The following MACROD2 variants were observed in gnomAD, a reference collection of about 807,000 sequenced individuals.
MACROD2 encodes the protein mono-ADP ribosylhydrolase 2, also known as ADP-ribose glycohydrolase MACROD2.
Under a neutral mutation model 70.4 loss-of-function variants are expected in MACROD2, and 36 were observed. The ratio of observed to expected loss-of-function variants is 0.51; its 90% CI spans 0.39 to 0.68. The LOEUF is 0.68. Among genes scored for constraint, MACROD2 ranks in the 30% least tolerant of loss-of-function variants. The pLI is 0.00. For synonymous variants in MACROD2, 172 were observed against 178.8 expected (o/e 0.96, Z 0.30); for missense variants, 496 against 538.4 (o/e 0.92, Z 0.78).
chr20:15,477,727 GTTTCCT>G (rs893549223), intron 7 of MACROD2, among the ~76,000 whole-genome samples: 3 of 152,182 alleles, frequency 2.0e-5, no homozygotes, highest in African/African-American at 7.2e-5. Flanking sequence ...CTATGAATAT[GTTTCCT>G]TGCATGGCAA....
intron 6 of MACROD2, among the ~76,000 whole-genome samples, chr20:15,238,106 T>C (rs1346670683): frequency 6.6e-6 from 1 of 152,196 alleles, no homozygotes; most frequent in Admixed American, 6.5e-5. Flanking sequence ...CTGAGCCTGA[T>C]AGAATTGAGA....
chr20:14,060,946 A>C (rs1211638202), intron 2 of MACROD2, among the ~76,000 whole-genome samples: 1 of 152,150 alleles, frequency 6.6e-6, no homozygotes, highest in Non-Finnish European at 1.5e-5. Flanking sequence ...CTCGTGTCTT[A>C]ATAATATAGC....
At chr20:15,640,174 G>A (rs935435895) in intron 8 of MACROD2, among the ~76,000 whole-genome samples, 3 of 151,736 alleles carry the variant, frequency 2.0e-5, no homozygotes, top group Admixed American at 2.0e-4. Flanking sequence ...GGAAGGGAGA[G>A]AGAAAAACAG....
At chr20:15,487,568 C>T (rs2047178143) in intron 7 of MACROD2, among the ~76,000 whole-genome samples, 1 of 152,122 alleles carries the variant, frequency 6.6e-6, no homozygotes, top group African/African-American at 2.4e-5. Context: ...CTATCTAAAC[C>T]ATAGAATAGA....
At chr20:15,265,173 C>G (rs1390958545) in intron 6 of MACROD2, among the ~76,000 whole-genome samples, 1 of 152,028 alleles carries the variant, frequency 6.6e-6, no homozygotes, top group Non-Finnish European at 1.5e-5. Flanking sequence ...ATTTGATCAC[C>G]CTGCAAGCTC....
At chr20:16,007,716 G>A (rs985842307) in intron 15 of MACROD2, among the ~76,000 whole-genome samples, 5 of 152,130 alleles carry the variant, frequency 3.3e-5, no homozygotes, top group East Asian at 3.9e-4. Context: ...CACACATTCA[G>A]TAGGTGGAGC....
At chr20:15,681,935 C>T (rs1406046569) in intron 8 of MACROD2, among the ~76,000 whole-genome samples, 1 of 152,102 alleles carries the variant, frequency 6.6e-6, no homozygotes, top group East Asian at 1.9e-4. Flanking sequence ...TTTTGTGATT[C>T]CCAAGGTGAT....
At chr20:15,773,678 GT>G (rs1311355601) in intron 8 of MACROD2, among the ~76,000 whole-genome samples, 1 of 152,072 alleles carries the variant, frequency 6.6e-6, no homozygotes. Flanking sequence ...TTCAAGCAGT[GT>G]TTATAGTTTT....
intron 3 of MACROD2, among the ~76,000 whole-genome samples, chr20:14,087,596 C>T (rs1268174642): frequency 1.3e-5 from 2 of 152,082 alleles, no homozygotes; most frequent in African/African-American, 4.8e-5. Flanking sequence ...ATATGACTCA[C>T]TCCTTCATCC....
intron 4 of MACROD2, among the ~76,000 whole-genome samples, chr20:14,631,582 A>G (rs1198673163): frequency 6.6e-6 from 1 of 152,158 alleles, no homozygotes; most frequent in African/African-American, 2.4e-5. Context: ...CATCCTGGCT[A>G]ACACCGTGAA....
intron 3 of MACROD2, among the ~76,000 whole-genome samples, chr20:14,341,833 A>G (rs2083016145): frequency 6.6e-6 from 1 of 152,190 alleles, no homozygotes; most frequent in African/African-American, 2.4e-5. Context: ...AGCTTGATAC[A>G]TGGCTTAAAA....
At chr20:15,479,121 T>C (rs1204181461) in intron 7 of MACROD2, among the ~76,000 whole-genome samples, 1 of 152,196 alleles carries the variant, frequency 6.6e-6, no homozygotes, top group Non-Finnish European at 1.5e-5. Flanking sequence ...TCACAAATCC[T>C]TCTTGACATC....
At chr20:15,171,352 A>C (rs2076420712) in intron 5 of MACROD2, among the ~76,000 whole-genome samples, 2 of 139,160 alleles carry the variant, frequency 1.4e-5, no homozygotes, top group Non-Finnish European at 1.5e-5. Context: ...TTGCCCCTCC[A>C]TCTCCTCCCC....
chr20:15,758,685 A>G (rs2051386941), intron 8 of MACROD2, among the ~76,000 whole-genome samples: 1 of 151,102 alleles, frequency 6.6e-6, no homozygotes, highest in Non-Finnish European at 1.5e-5. Context: ...GACTATAGGC[A>G]TGCTCCACCA....
At chr20:14,447,436 A>T (rs6135147) in intron 3 of MACROD2, among the ~76,000 whole-genome samples, 39,241 of 152,114 alleles carry the variant, frequency 0.26, 5,287 homozygotes, top group Admixed American at 0.31. Context: ...GGAAAATAGC[A>T]TCTGCTGTTA....
intron 8 of MACROD2, among the ~76,000 whole-genome samples, chr20:15,814,051 C>T (rs117702570): frequency 0.015 from 2,220 of 152,100 alleles, 27 homozygotes; most frequent in Non-Finnish European, 0.019. Context: ...CTCTGATACC[C>T]TTAACCAAGT....
intron 15 of MACROD2, among the ~76,000 whole-genome samples, chr20:16,006,128 C>T (rs956885439): frequency 3.3e-5 from 5 of 152,180 alleles, no homozygotes; most frequent in East Asian, 1.9e-4. Flanking sequence ...CCCTCTCCTC[C>T]GCCCATCCCT....
intron 6 of MACROD2, among the ~76,000 whole-genome samples, chr20:15,372,696 T>A (rs899555855): frequency 6.6e-6 from 1 of 152,224 alleles, no homozygotes; most frequent in Non-Finnish European, 1.5e-5. Context: ...ATGTTTTAAA[T>A]TTTATTGTGG....
chr20:15,383,226 C>T (rs2045668161), intron 6 of MACROD2, among the ~76,000 whole-genome samples: 1 of 152,144 alleles, frequency 6.6e-6, no homozygotes, highest in African/African-American at 2.4e-5. Context: ...CACATATTTT[C>T]CAGAATAATC....
Sources: allele counts gnomAD v4.1 joint callset (sites outside exome capture counted in the v4.1 genomes callset), GRCh38; gene constraint gnomAD v4.1.1; transcripts MANE v1.5; gene names NCBI Gene and HGNC (gene_info 2026-07-23, HGNC 2026-07-21).